SKIL: variants seen among roughly 807,000 people sequenced by gnomAD.
SKIL encodes the protein SKI like proto-oncogene.
A neutral mutation model predicts 69.6 loss-of-function variants in SKIL; 20 were observed. That is an observed-to-expected ratio of 0.29 (90% CI 0.20 to 0.42). The LOEUF (loss-of-function observed/expected upper bound fraction) is 0.42. Among genes scored for constraint, SKIL ranks in the 10% least tolerant of loss-of-function variants. The pLI is 1.00. For synonymous variants in SKIL, 310 were observed against 279.9 expected, an observed-to-expected ratio of 1.11 and a Z score of -1.08; for missense variants, 745 against 783.1, an observed-to-expected ratio of 0.95 and a Z score of 0.58.
Position 170,394,499 on chromosome 3 carries a change from C to T in SKIL, c.*2082C>T, listed in dbSNP as rs554389045. ...CTTGGAACCTTTCTGCTTTATGTTA[C>T]CTAGAAAATGATAATTTGTTTAACC... is the stretch of plus-strand genomic sequence containing the variant. On this transcript the variant is annotated 3_prime_UTR_variant, in exon 7 of 7. Transcript: ENST00000259119. The T allele has an allele frequency of 6.3e-4, 96 of 152,046 alleles. No individual in the cohort carries two copies. The highest frequency in any genetic ancestry group is 2.1e-3 in the African/African-American group (86 of 41,468). 9.4% of individuals were successfully genotyped at this position (152,046 alleles called of 1,614,324 possible). A position where few individuals can be genotyped will look rare whatever the true frequency, so the allele number is the denominator to read the frequency against.
chr3:170,382,588 T>G (rs1196955184), intron 3 of SKIL, among the ~76,000 whole-genome samples: 1 of 151,884 alleles, frequency 6.6e-6, no homozygotes, highest in Non-Finnish European at 1.5e-5. Flanking sequence ...TTTTTTTGTA[T>G]TTTTAGTAGA....
rs1040242042 is a variant in SKIL at position 170,376,362 on chromosome 3, A to G, written c.1099-4882A>G. 3.3e-5 allele frequency among the ~76,000 whole-genome samples: 5 copies of G among 152,052 alleles called. No homozygotes were observed. The East Asian group carries it at 9.7e-4, about 29-fold the overall frequency. On this transcript the variant is annotated intron_variant, in intron 2 of 6. Coordinates refer to ENST00000259119, the MANE Select transcript of SKIL (RefSeq NM_005414.5). ...GTTCCTGCCCTCAAACTGATCTTAA[A>G]TTTTACTGATTTGTTAGAATGAACT...
chr3:170,359,473 C>G (rs1297953035), intron 1 of SKIL: 1 of 152,084 alleles, frequency 6.6e-6, no homozygotes, highest in Non-Finnish European at 1.5e-5. Flanking sequence ...TGGCTTGTGC[C>G]TGTAGTCCCA....
intron 4 of SKIL, among the ~76,000 whole-genome samples, chr3:170,388,583 C>T (rs1185919259): frequency 6.6e-6 from 1 of 151,944 alleles, no homozygotes; most frequent in Non-Finnish European, 1.5e-5. Context: ...CAGGGATGTA[C>T]CACCATGCTC....
chr3:170,390,794 T>G (rs1281214003), intron 5 of SKIL, among the ~76,000 whole-genome samples: 1 of 152,202 alleles, frequency 6.6e-6, no homozygotes, highest in Non-Finnish European at 1.5e-5. Flanking sequence ...TGTATATTCT[T>G]AGTAAGAAAA....
intron 2 of SKIL, among the ~76,000 whole-genome samples, chr3:170,366,333 C>T (rs1736510134): frequency 6.6e-6 from 1 of 151,638 alleles, no homozygotes; most frequent in Non-Finnish European, 1.5e-5. Context: ...AATGAGACAA[C>T]TTAATTAAAT....
At chr3:170,369,379 A>C (rs1218168758) in intron 2 of SKIL, among the ~76,000 whole-genome samples, 2 of 152,144 alleles carry the variant, frequency 1.3e-5, no homozygotes, top group Non-Finnish European at 2.9e-5. Context: ...GCCACTGGGA[A>C]ACCAAAGAAG....
At chr3:170,377,347 C>T (rs1737080770) in intron 2 of SKIL, among the ~76,000 whole-genome samples, 1 of 149,816 alleles carries the variant, frequency 6.7e-6, no homozygotes, top group African/African-American at 2.5e-5. Context: ...GGTTGATTCT[C>T]CTGTCCTCCT....
Position 170,393,467 on chromosome 3 carries a change from T to C in SKIL, c.*1050T>C, listed in dbSNP as rs1039503621. 1 of 152,214 alleles carries C rather than the reference T, an allele frequency of 6.6e-6. No homozygotes were observed. The highest frequency in any genetic ancestry group is 1.5e-5 in the Non-Finnish European group (1 of 68,016). 9.4% of individuals were successfully genotyped at this position (152,214 alleles called of 1,614,324 possible). A position where few individuals can be genotyped will look rare whatever the true frequency, so the allele number is the denominator to read the frequency against. Reference sequence around the variant, plus strand: ...TCAGGAATTTACAGTCAACTGATAGTACATGATAGGTGCATATAGGACAGT... The same window carrying C: ...TCAGGAATTTACAGTCAACTGATAGCACATGATAGGTGCATATAGGACAGT... On this transcript the variant is annotated 3_prime_UTR_variant, in exon 7 of 7. Coordinates refer to ENST00000259119, the MANE Select transcript of SKIL (RefSeq NM_005414.5).
At chr3:170,376,657 CCT>C (rs929668566) in intron 2 of SKIL, among the ~76,000 whole-genome samples, 10 of 152,058 alleles carry the variant, frequency 6.6e-5, no homozygotes, top group African/African-American at 2.2e-4. Context: ...CTCACTGCAA[CCT>C]CTGTTTCCTG....
At chr3:170,386,145 T>C (rs1737620378) in intron 4 of SKIL, among the ~76,000 whole-genome samples, 1 of 151,162 alleles carries the variant, frequency 6.6e-6, no homozygotes. Flanking sequence ...GTTTGTTTGT[T>C]TGGAGACAGA....
At chr3:170,381,831 C>T (rs890230061) in intron 3 of SKIL, among the ~76,000 whole-genome samples, 6 of 151,832 alleles carry the variant, frequency 4.0e-5, no homozygotes, top group African/African-American at 1.5e-4. Context: ...CCTGTAATCC[C>T]AGCACTTTGG....
chr3:170,360,236 A>G lies in SKIL; in HGVS notation c.-96A>G, dbSNP rs1736155047. On this transcript the variant is annotated 5_prime_UTR_variant, in exon 2 of 7. It adds an upstream start codon to the 5' untranslated region. Coordinates refer to ENST00000259119, the MANE Select transcript of SKIL (RefSeq NM_005414.5). ...TGAAAGTTTGAGAGTAAGTTACGAT[A>G]GGCATTTGTATCCATTCATTACTTT... 9.4e-6 allele frequency: 11 copies of G among 1,176,432 alleles called. No homozygotes were observed. Among genetic ancestry groups the G allele is most frequent in the Non-Finnish European group, 1.3e-5 (11 of 845,586 alleles). The allele number at this position is 1,176,432 out of a possible 1,614,324, so 72.9% of individuals were successfully genotyped here. A position where few individuals can be genotyped will look rare whatever the true frequency, so the allele number is the denominator to read the frequency against.
intron 2 of SKIL, among the ~76,000 whole-genome samples, chr3:170,378,380 A>G (rs965287418): frequency 9.2e-5 from 14 of 152,180 alleles, no homozygotes; most frequent in Non-Finnish European, 1.6e-4. Context: ...TAATCAAACC[A>G]GAGTTTGGAT....
At chr3:170,362,155 CAAAA>C (rs935515278) in intron 2 of SKIL, among the ~76,000 whole-genome samples, 5 of 151,382 alleles carry the variant, frequency 3.3e-5, no homozygotes, top group African/African-American at 1.2e-4. Context: ...AAAGGAATAA[CAAAA>C]AAAATGACAG....
At chr3:170,389,423 T>C (rs1028775876) in intron 4 of SKIL, among the ~76,000 whole-genome samples, 1 of 151,394 alleles carries the variant, frequency 6.6e-6, no homozygotes, top group Admixed American at 6.6e-5. Flanking sequence ...ACGCCATTCT[T>C]CTGCCTCAGC....
chr3:170,386,842 T>C (rs13076319), intron 4 of SKIL, among the ~76,000 whole-genome samples: 7 of 151,938 alleles, frequency 4.6e-5, no homozygotes, highest in African/African-American at 1.7e-4. Flanking sequence ...ATGACTATTA[T>C]GCCATATTTA....
At position 170,360,100 on chromosome 3, in the gene SKIL, T is replaced by G; in HGVS notation, c.-232T>G. On this transcript the variant is annotated 5_prime_UTR_variant, in exon 2 of 7. Transcript: ENST00000259119. ...CTCAGAGGTGTGCCTCTTTTCTTTA[T>G]TATTAGAGGCAAAACGAACAATTTT... 2.4e-6 allele frequency: 1 copy of G among 415,152 alleles called. No homozygotes were observed. Among genetic ancestry groups the G allele is most frequent in the Non-Finnish European group, 4.3e-6 (1 of 234,634 alleles). 25.7% of individuals were successfully genotyped at this position (415,152 alleles called of 1,614,324 possible).
chr3:170,385,939 T>C (rs951779953), intron 4 of SKIL, among the ~76,000 whole-genome samples: 1 of 151,724 alleles, frequency 6.6e-6, no homozygotes, highest in African/African-American at 2.4e-5. Context: ...ATTACAGGCA[T>C]GCACCACCAC....
Sources: allele counts gnomAD v4.1 joint callset (sites outside exome capture counted in the v4.1 genomes callset), GRCh38; gene constraint gnomAD v4.1.1; transcripts MANE v1.5; gene names NCBI Gene and HGNC (gene_info 2026-07-23, HGNC 2026-07-21).